PTGES3L: variants seen among roughly 807,000 people sequenced by gnomAD.
The protein encoded by PTGES3L is prostaglandin E synthase 3 like, also known as putative protein PTGES3L.
PTGES3L carries 17 observed loss-of-function variants against 25.0 expected under a neutral mutation model. The observed-to-expected ratio is 0.68, with a 90% CI of 0.47 to 1.02. The LOEUF is 1.02. Among genes scored for constraint, PTGES3L ranks in the 50% least tolerant of loss-of-function variants. PTGES3L has a pLI of 0.00. For synonymous variants in PTGES3L, 59 were observed against 65.7 expected (o/e 0.90, Z 0.50); for missense variants, 202 against 197.5 (o/e 1.02, Z -0.14).
intron 4 of PTGES3L, among the ~76,000 whole-genome samples, chr17:42,973,230 C>T (rs1320852150): frequency 3.5e-4 from 50 of 144,468 alleles, no homozygotes; most frequent in South Asian, 6.8e-4. Context: ...CCGCCCCGTC[C>T]GGGAGGGAGG....
At position 42,968,903 on chromosome 17, in the gene PTGES3L, T is replaced by C; in HGVS notation, c.*245A>G. On this transcript the variant is annotated 3_prime_UTR_variant, in exon 7 of 7. Transcript: ENST00000591916. ...AACACAGAGATTAGAAACCAATCAG[T>C]AAGAAATCAGAAGCCCTACCAGTCT... is the stretch of plus-strand genomic sequence containing the variant. The C allele has an allele frequency of 2.2e-6, 1 of 463,612 alleles. No individual in the cohort carries two copies. The highest frequency in any genetic ancestry group is 3.1e-5 in the East Asian group (1 of 32,210). 28.7% of individuals were successfully genotyped at this position (463,612 alleles called of 1,614,324 possible). A position where few individuals can be genotyped will look rare whatever the true frequency, so the allele number is the denominator to read the frequency against.
chr17:42,972,344 TGGTCTCCCTCTCTTTCCAC>T (rs2049858295), intron 4 of PTGES3L, among the ~76,000 whole-genome samples: 3 of 78,344 alleles, frequency 3.8e-5, no homozygotes, highest in East Asian at 8.2e-4. Flanking sequence ...CCCCTCCCCA[TGGTCTCCCTCTCTTTCCAC>T]GGTCTCCCTC....
chr17:42,969,115 A>C lies in PTGES3L; in HGVS notation c.*33T>G. ...TTTCTAGAACAACTGGAAAATAGCCACAGCTGCCTTCCCAGCTTTGCGTCA... is the reference window on the plus strand; with the variant it reads ...TTTCTAGAACAACTGGAAAATAGCCCCAGCTGCCTTCCCAGCTTTGCGTCA... On this transcript the variant is annotated 3_prime_UTR_variant, in exon 7 of 7. Transcript: ENST00000591916. 2.0e-6 allele frequency: 3 copies of C among 1,518,118 alleles called. No individual in the cohort carries two copies. The highest frequency in any genetic ancestry group is 2.7e-6 in the Non-Finnish European group (3 of 1,119,632). 94.0% of individuals were successfully genotyped at this position (1,518,118 alleles called of 1,614,324 possible).
chr17:42,971,953 G>T (rs977723064), intron 4 of PTGES3L: 13 of 385,826 alleles, frequency 3.4e-5, no homozygotes, highest in African/African-American at 1.8e-4. Context: ...ACTTTGGAAG[G>T]CCGAGGCAGG....
intron 4 of PTGES3L, 68 bp downstream of exon 4, chr17:42,979,102 G>T: frequency 1.3e-6 from 2 of 1,552,392 alleles, no homozygotes; most frequent in Admixed American, 1.7e-5. Context: ...TGGAAAGGAG[G>T]CAAGGACAAT....
At chr17:42,979,973 C>T (rs915393496) in intron 1 of PTGES3L, 73 bp downstream of exon 1, 2 of 1,484,492 alleles carry the variant, frequency 1.3e-6, no homozygotes, top group South Asian at 2.7e-5. Context: ...GAACCTGGAG[C>T]GCCCAGAAGA....
intron 4 of PTGES3L, among the ~76,000 whole-genome samples, chr17:42,975,923 C>A (rs1179888030): frequency 6.6e-6 from 1 of 152,104 alleles, no homozygotes; most frequent in Non-Finnish European, 1.5e-5. Context: ...GATCTGCCTG[C>A]CTCGGCCTTC....
intron 4 of PTGES3L, among the ~76,000 whole-genome samples, chr17:42,972,733 C>T (rs929217903): frequency 4.4e-4 from 67 of 152,154 alleles, no homozygotes; most frequent in Admixed American, 7.9e-4. Flanking sequence ...CAGCCTCTGC[C>T]CGGCCGCCAC....
At chr17:42,972,987 T>A (rs2049876113) in intron 4 of PTGES3L, among the ~76,000 whole-genome samples, 1 of 142,648 alleles carries the variant, frequency 7.0e-6, no homozygotes. Flanking sequence ...CCATCTGGGA[T>A]GTGAGGAGCG....
intron 1 of PTGES3L, 64 bp from the exon 2 acceptor site, chr17:42,979,727 A>C: frequency 5.1e-6 from 8 of 1,574,834 alleles, no homozygotes; most frequent in Non-Finnish European, 6.9e-6. Context: ...TCATTTGGGA[A>C]GGGACTACCC....
intron 5 of PTGES3L, 31 bp downstream of exon 5, chr17:42,971,576 T>C (rs746191699): frequency 1.2e-6 from 2 of 1,611,834 alleles, no homozygotes; most frequent in Non-Finnish European, 1.7e-6. Context: ...AATGATCAAG[T>C]GGGCAGAACA....
In PTGES3L at chr17:42,969,200, G is replaced by GCA. The variant is rs71228778; in HGVS notation, c.433-15_433-14insTG. ...GTCAGAATCATCCTGGGGGCGGGGG[G>GCA]GAAAAAAGACAAAGCACCTGTAGAC... On this transcript the variant is annotated splice_polypyrimidine_tract_variant and intron_variant, in intron 6 of 6. Transcript: ENST00000591916. 7.9e-6 allele frequency: 11 copies of GCA among 1,391,140 alleles called. No individual in the cohort carries two copies. The highest frequency in any genetic ancestry group is 9.8e-6 in the Non-Finnish European group (10 of 1,025,620). 86.2% of individuals were successfully genotyped at this position (1,391,140 alleles called of 1,614,324 possible). A position where few individuals can be genotyped will look rare whatever the true frequency, so the allele number is the denominator to read the frequency against.
intron 4 of PTGES3L, among the ~76,000 whole-genome samples, chr17:42,975,689 C>T (rs1305927844): frequency 1.3e-5 from 2 of 151,906 alleles, no homozygotes; most frequent in East Asian, 1.9e-4. Context: ...TTTCTTTTTT[C>T]TTTCTGAGAC....
intron 4 of PTGES3L, 90 bp from the exon 5 acceptor site, chr17:42,971,786 G>T: frequency 1.5e-6 from 2 of 1,304,926 alleles, no homozygotes; most frequent in South Asian, 1.2e-5. Flanking sequence ...GAGCACGCCT[G>T]GGGAAAAGAG....
At position 42,970,437 on chromosome 17, in the gene PTGES3L, C is replaced by T. The variant is rs1597734330; in HGVS notation, c.379-95G>A. On this transcript the variant is annotated intron_variant, in intron 5 of 6. Coordinates refer to ENST00000591916, the MANE Select transcript of PTGES3L (RefSeq NM_001261430.2). ...CATAGAAGAATGGTTGCAGCCAGAA[C>T]TGGTCAGGCAACTGCTCCCATCTTT... 1.4e-5 allele frequency: 19 copies of T among 1,398,120 alleles called. No individual in the cohort carries two copies. In the South Asian group the frequency reaches 2.3e-4, roughly 17 times the overall value. 86.6% of individuals were successfully genotyped at this position (1,398,120 alleles called of 1,614,324 possible). A position where few individuals can be genotyped will look rare whatever the true frequency, so the allele number is the denominator to read the frequency against.
At chr17:42,972,994 A>G (rs2049876294) in intron 4 of PTGES3L, among the ~76,000 whole-genome samples, 2 of 132,980 alleles carry the variant, frequency 1.5e-5, no homozygotes, top group African/African-American at 2.9e-5. Flanking sequence ...GGATGTGAGG[A>G]GCGCCTCTGC....
At chr17:42,973,159 T>C (rs1372850224) in intron 4 of PTGES3L, among the ~76,000 whole-genome samples, 2 of 134,288 alleles carry the variant, frequency 1.5e-5, no homozygotes. Context: ...GGAGCGTCTC[T>C]GCCCAGCAGC....
chr17:42,972,415 C>T (rs1226695104), intron 4 of PTGES3L, among the ~76,000 whole-genome samples: 1 of 148,178 alleles, frequency 6.7e-6, no homozygotes, highest in Non-Finnish European at 1.5e-5. Flanking sequence ...GCCATCTCGG[C>T]TCACTGCAAC....
At position 42,979,399 on chromosome 17, in the gene PTGES3L, G is replaced by A. The variant is rs749043413; in HGVS notation, c.168C>T (p.Phe56=). 1 of 1,614,140 alleles carries A rather than the reference G, an allele frequency of 6.2e-7. No homozygotes were observed. Among genetic ancestry groups the A allele is most frequent in the Non-Finnish European group, 8.5e-7 (1 of 1,180,032 alleles). Residue 56 remains phenylalanine (F), a synonymous_variant, in exon 3 of 7, where the codon TTC becomes TTT. Coordinates refer to ENST00000591916, the MANE Select transcript of PTGES3L (RefSeq NM_001261430.2). ...DGVELYNEIE[F]YAKVNSKDSQ... ...TTACCTTGGAGTTCACTTTGGCATA[G>A]AACTCAATCTCATTGTACAACTCCA... is the stretch of plus-strand genomic sequence containing the variant.
Sources: allele counts gnomAD v4.1 joint callset (sites outside exome capture counted in the v4.1 genomes callset), GRCh38; gene constraint gnomAD v4.1.1; transcripts MANE v1.5; gene names NCBI Gene and HGNC (gene_info 2026-07-23, HGNC 2026-07-21).